Variants in FSTL4 observed in about 807,000 individuals in gnomAD.
The protein encoded by FSTL4 is follistatin like 4, also known as follistatin-related protein 4.
FSTL4 carries 28 observed loss-of-function variants against 78.2 expected under a neutral mutation model. The observed-to-expected ratio is 0.36, with a 90% CI of 0.27 to 0.49. The LOEUF (loss-of-function observed/expected upper bound fraction) is 0.49, where lower values mean the gene tolerates loss of function less well. FSTL4 is among the 20% of genes least tolerant of loss of function. FSTL4 has a pLI of 0.98. For missense variants in FSTL4, 922 were observed against 1,084.9 expected, an observed-to-expected ratio of 0.85 and a Z score of 2.11; for synonymous variants, 422 against 440.5, an observed-to-expected ratio of 0.96 and a Z score of 0.53.
intron 3 of FSTL4, among the ~76,000 whole-genome samples, chr5:133,557,549 A>C (rs1261621476): frequency 6.6e-6 from 1 of 152,200 alleles, no homozygotes; most frequent in Non-Finnish European, 1.5e-5. Context: ...ACACAGCATT[A>C]ATTAAGTGCA....
At chr5:133,764,795 T>G in the FSTL4 span, among the ~76,000 whole-genome samples, 1 of 152,232 alleles carries the variant, frequency 6.6e-6, no homozygotes, top group Non-Finnish European at 1.5e-5. Context: ...TCGATCCGAA[T>G]CTTCAGATCT....
At chr5:133,231,966 C>T (rs953125300) in intron 8 of FSTL4, among the ~76,000 whole-genome samples, 1 of 152,204 alleles carries the variant, frequency 6.6e-6, no homozygotes, top group South Asian at 2.1e-4. Context: ...CCTTAAGAGG[C>T]ACAGTCACGA....
intron 4 of FSTL4, chr5:133,388,042 G>C (rs552675631): frequency 1.3e-5 from 2 of 152,378 alleles, no homozygotes; most frequent in South Asian, 4.1e-4. Context: ...GGATTATGCA[G>C]GATCTGTTGA....
chr5:133,512,497 GAAT>G (rs1414321853), intron 3 of FSTL4, among the ~76,000 whole-genome samples: 1 of 152,184 alleles, frequency 6.6e-6, no homozygotes, highest in African/African-American at 2.4e-5. Context: ...ATTTGACATA[GAAT>G]AATGTGGGTA....
the FSTL4 span, among the ~76,000 whole-genome samples, chr5:133,829,149 G>A: frequency 6.6e-6 from 1 of 152,280 alleles, no homozygotes; most frequent in Middle Eastern, 3.4e-3. Flanking sequence ...CAGCACTTTG[G>A]GAGGCCAAGG....
chr5:133,534,125 A>G (rs1759307141), intron 3 of FSTL4, among the ~76,000 whole-genome samples: 1 of 152,164 alleles, frequency 6.6e-6, no homozygotes, highest in African/African-American at 2.4e-5. Flanking sequence ...CATCACCTGG[A>G]AAATAAACTG....
chr5:133,702,150 C>T, the FSTL4 span, among the ~76,000 whole-genome samples: 3 of 152,234 alleles, frequency 2.0e-5, no homozygotes, highest in East Asian at 1.9e-4. Context: ...TTTGAAGCAT[C>T]GCTGTGTAAA....
rs77642594 is a variant in FSTL4, at chr5:133,209,087, C to G, written c.1716+1104G>C. Among the ~76,000 whole-genome samples, 139 of 152,280 alleles carry G rather than the reference C, an allele frequency of 9.1e-4. 4 individuals are homozygous for G. In the East Asian group the frequency reaches 0.021, roughly 23 times the overall value. ...TATTTTTTGTTGGTATTTCTGGCAG[C>G]TGTATTTCTTTGGGCTGGTACTCTG... On this transcript the variant is annotated intron_variant, in intron 14 of 15. Coordinates refer to ENST00000265342, the MANE Select transcript of FSTL4 (RefSeq NM_015082.2).
At chr5:133,368,043 AG>A (rs1755214764) in intron 4 of FSTL4, among the ~76,000 whole-genome samples, 1 of 152,266 alleles carries the variant, frequency 6.6e-6, no homozygotes, top group Admixed American at 6.5e-5. Flanking sequence ...CCCTTGTCCA[AG>A]GGGAGTTCTG....
chr5:133,425,920 A>G (rs1487816075), intron 3 of FSTL4, among the ~76,000 whole-genome samples: 1 of 152,188 alleles, frequency 6.6e-6, no homozygotes, highest in Non-Finnish European at 1.5e-5. Context: ...TAGGATAAAG[A>G]GCCTGCATTT....
At chr5:133,636,122 G>A in the FSTL4 span, among the ~76,000 whole-genome samples, 5 of 152,260 alleles carry the variant, frequency 3.3e-5, no homozygotes, top group South Asian at 1.0e-3. Flanking sequence ...GGGTTGTTAG[G>A]ACAAATGGCT....
intron 4 of FSTL4, among the ~76,000 whole-genome samples, chr5:133,370,814 A>G (rs29548): frequency 0.35 from 53,427 of 151,954 alleles, 10,258 homozygotes; most frequent in East Asian, 0.49. Context: ...GAAGAAGGAA[A>G]GAAAGCCAGA....
At chr5:133,235,912 T>C (rs958306026) in intron 7 of FSTL4, among the ~76,000 whole-genome samples, 1 of 152,146 alleles carries the variant, frequency 6.6e-6, no homozygotes, top group Non-Finnish European at 1.5e-5. Context: ...GTGTCAAAAC[T>C]TAAGTCTGGA....
intron 4 of FSTL4, among the ~76,000 whole-genome samples, chr5:133,354,172 C>T (rs779500042): frequency 3.5e-4 from 52 of 147,918 alleles, no homozygotes; most frequent in Admixed American, 2.0e-4. Flanking sequence ...AGATAGCCGC[C>T]AAAAAGAAAA....
chr5:133,700,906 C>G, the FSTL4 span, among the ~76,000 whole-genome samples: 2 of 152,204 alleles, frequency 1.3e-5, no homozygotes, highest in African/African-American at 4.8e-5. Flanking sequence ...CTTCCATGCA[C>G]AGATAATGTC....
At chr5:133,796,764 A>G in the FSTL4 span, among the ~76,000 whole-genome samples, 2 of 152,118 alleles carry the variant, frequency 1.3e-5, no homozygotes, top group Non-Finnish European at 2.9e-5. Context: ...ATGGTGGGCC[A>G]AACGGCAACT....
chr5:133,292,482 C>T, intron 6 of FSTL4, among the ~76,000 whole-genome samples: 1 of 151,894 alleles, frequency 6.6e-6, no homozygotes, highest in East Asian at 1.9e-4. Context: ...AGTCAGCCCA[C>T]TGGCCTCCTG....
intron 3 of FSTL4, among the ~76,000 whole-genome samples, chr5:133,404,461 A>C (rs1298450345): frequency 2.0e-5 from 3 of 152,236 alleles, no homozygotes; most frequent in Non-Finnish European, 2.9e-5. Context: ...TCAGGTTAAA[A>C]ACTGATCATC....
chr5:133,510,330 T>C (rs1758701734), intron 3 of FSTL4, among the ~76,000 whole-genome samples: 1 of 152,204 alleles, frequency 6.6e-6, no homozygotes, highest in Non-Finnish European at 1.5e-5. Context: ...ACAAATCCAC[T>C]GACCCCCAAA....
Sources: gnomAD v4.1 joint callset for allele counts (sites outside exome capture counted in the v4.1 genomes callset) on GRCh38, gnomAD v4.1.1 for gene constraint, MANE v1.5 for transcripts, NCBI Gene and HGNC (gene_info 2026-07-23, HGNC 2026-07-21) for gene names.